RPGRIP1L: variants seen among roughly 807,000 people sequenced by gnomAD.
The protein encoded by RPGRIP1L is RPGRIP1 like, also known as protein fantom.
In RPGRIP1L, 131 loss-of-function variants were observed where a neutral mutation model predicts 160.4. That is an observed-to-expected ratio of 0.82 (90% confidence interval 0.71 to 0.94). RPGRIP1L has a LOEUF of 0.94. RPGRIP1L is among the 40% of genes least tolerant of loss of function. The pLI, the probability that RPGRIP1L is intolerant of heterozygous loss-of-function variation, is 0.00. For missense variants in RPGRIP1L, 1,522 were observed against 1,535.8 expected, an observed-to-expected ratio of 0.99 and a Z score of 0.15; for synonymous variants, 510 against 515.8, an observed-to-expected ratio of 0.99 and a Z score of 0.15.
At chr16:53,702,799 C>T (rs1004569408) in intron 1 of RPGRIP1L, among the ~76,000 whole-genome samples, 11 of 151,544 alleles carry the variant, frequency 7.3e-5, no homozygotes, top group Admixed American at 2.6e-4. Context: ...ACTACATGTG[C>T]GTGCCACCAA....
chr16:53,625,181 G>A (rs1229313109), intron 22 of RPGRIP1L, among the ~76,000 whole-genome samples: 2 of 152,168 alleles, frequency 1.3e-5, no homozygotes, highest in Non-Finnish European at 2.9e-5. Flanking sequence ...CTGCCCGGCC[G>A]CCACCCCGTC....
chr16:53,622,169 C>T (rs1405461695), intron 23 of RPGRIP1L, 50 bp downstream of exon 23: 6 of 559,080 alleles, frequency 1.1e-5, no homozygotes. Context: ...TTGAGACCAG[C>T]ATGGCCAACA....
intron 9 of RPGRIP1L, among the ~76,000 whole-genome samples, chr16:53,671,183 T>C (rs1968688282): frequency 6.6e-6 from 1 of 152,130 alleles, no homozygotes; most frequent in Non-Finnish European, 1.5e-5. Flanking sequence ...TACATACATT[T>C]CAGGGTGCTG....
In RPGRIP1L at chr16:53,686,556, T is replaced by C; in HGVS notation, c.653A>G (p.Gln218Arg). The change falls in exon 6 of 27, where the codon CAA becomes CGA. Residue 218 changes from glutamine (Q) to arginine (R), a missense_variant. By Grantham distance (43) the Gln-to-Arg change is conservative. Coordinates refer to ENST00000647211, the MANE Select transcript of RPGRIP1L (RefSeq NM_015272.5). ...IRNLENVIQS[Q>R]RGQIEELEHL... ...CTCTAACTCCTCTATCTGGCCTCTT[T>C]GTGACTGAATAACGTTTTCTCTGAA... is the stretch of plus-strand genomic sequence containing the variant. 1 of 1,613,674 alleles carries C rather than the reference T, an allele frequency of 6.2e-7. No homozygotes were observed. The highest frequency in any genetic ancestry group is 8.5e-7 in the Non-Finnish European group (1 of 1,179,742).
At chr16:53,674,294 A>T (rs1280430414) in intron 7 of RPGRIP1L, among the ~76,000 whole-genome samples, 2 of 152,166 alleles carry the variant, frequency 1.3e-5, no homozygotes, top group African/African-American at 4.8e-5. Flanking sequence ...GGGACTTCAA[A>T]GAAAGTGTTA....
At chr16:53,688,170 T>C (rs1970149748) in intron 4 of RPGRIP1L, among the ~76,000 whole-genome samples, 1 of 152,012 alleles carries the variant, frequency 6.6e-6, no homozygotes, top group South Asian at 2.1e-4. Context: ...CAGCAGCAAG[T>C]ATTGCTCATT....
intron 26 of RPGRIP1L, among the ~76,000 whole-genome samples, chr16:53,603,240 G>C (rs1963476995): frequency 6.6e-6 from 1 of 152,238 alleles, no homozygotes; most frequent in Non-Finnish European, 1.5e-5. Context: ...CCATCCCTCT[G>C]TGGACAATGA....
chr16:53,658,829 A>G lies in RPGRIP1L; in HGVS notation c.1293T>C (p.Tyr431=), dbSNP rs2151164876. The G allele has an allele frequency of 3.7e-6, 6 of 1,608,912 alleles. No individual in the cohort carries two copies. The highest frequency in any genetic ancestry group is 1.3e-5 in the African/African-American group (1 of 75,004). ...CATCAAGTTGTTGCTTTTGTTCCAGATACTGTAACTGTAGTTCTCTATTCT... is the reference window on the plus strand; with the variant it reads ...CATCAAGTTGTTGCTTTTGTTCCAGGTACTGTAACTGTAGTTCTCTATTCT... ...VQENRELQLQ[Y]LEQKQQLDEL... Residue 431 remains tyrosine, a synonymous_variant, in exon 11 of 27, where the codon TAT becomes TAC. Transcript: ENST00000647211.
chr16:53,692,067 T>C lies in RPGRIP1L; in HGVS notation c.528A>G (p.Lys176=), dbSNP rs1970421458. The change falls in exon 4 of 27, where the codon AAA becomes AAG. Residue 176 remains lysine (K), a splice_region_variant and synonymous_variant. Coordinates refer to ENST00000647211, the MANE Select transcript of RPGRIP1L (RefSeq NM_015272.5). ...ENAGLQECPR[K]GIKFQDADVA... ...GATTTAACGTAAGCTTTGTTTTACC[T>C]TTCCTGGGGCATTCCTGTAAACCAG... The C allele has an allele frequency of 1.1e-5, 17 of 1,614,028 alleles. No individual in the cohort carries two copies. Among genetic ancestry groups the C allele is most frequent in the Non-Finnish European group, 1.4e-5 (16 of 1,179,858 alleles).
intron 24 of RPGRIP1L, among the ~76,000 whole-genome samples, chr16:53,615,012 C>T (rs1162272863): frequency 6.6e-6 from 1 of 152,176 alleles, no homozygotes; most frequent in African/African-American, 2.4e-5. Context: ...GTCGATAACC[C>T]TGAATCTCAG....
intron 17 of RPGRIP1L, among the ~76,000 whole-genome samples, chr16:53,644,736 C>CA (rs1239306810): frequency 6.6e-6 from 1 of 152,038 alleles, no homozygotes; most frequent in Non-Finnish European, 1.5e-5. Flanking sequence ...GACCATCCTT[C>CA]AAAAAACAAA....
chr16:53,673,057 C>G, intron 7 of RPGRIP1L, 41 bp from the exon 8 acceptor site: 1 of 1,557,840 alleles, frequency 6.4e-7, no homozygotes, highest in Non-Finnish European at 8.8e-7. Flanking sequence ...TTATTTTTGA[C>G]TAAATGATTA....
chr16:53,610,359 A>T (rs1340431318), intron 25 of RPGRIP1L, among the ~76,000 whole-genome samples: 1 of 152,220 alleles, frequency 6.6e-6, no homozygotes, highest in Non-Finnish European at 1.5e-5. Context: ...TTAAACAGTG[A>T]TAGTAAGATA....
chr16:53,690,196 A>G (rs189208098), intron 4 of RPGRIP1L, among the ~76,000 whole-genome samples: 211 of 152,224 alleles, frequency 1.4e-3, no homozygotes, highest in African/African-American at 4.8e-3. Context: ...TGGGCATTAT[A>G]GACTTATTTA....
intron 22 of RPGRIP1L, among the ~76,000 whole-genome samples, chr16:53,624,624 C>T (rs1308401178): frequency 6.6e-6 from 1 of 151,842 alleles, no homozygotes; most frequent in Non-Finnish European, 1.5e-5. Flanking sequence ...AGAACTCTTG[C>T]TGTTATAGAT....
intron 19 of RPGRIP1L, among the ~76,000 whole-genome samples, chr16:53,639,355 TG>T (rs1966058730): frequency 6.6e-6 from 1 of 151,996 alleles, no homozygotes; most frequent in Non-Finnish European, 1.5e-5. Context: ...CAATAATAAC[TG>T]CATTATAAAT....
intron 19 of RPGRIP1L, among the ~76,000 whole-genome samples, chr16:53,640,729 A>G (rs1295120478): frequency 6.6e-6 from 1 of 152,108 alleles, no homozygotes. Flanking sequence ...AGTGAGTCCA[A>G]GAAACAATGT....
intron 23 of RPGRIP1L, among the ~76,000 whole-genome samples, chr16:53,620,279 A>G (rs1444752915): frequency 1.3e-5 from 2 of 152,200 alleles, no homozygotes; most frequent in Admixed American, 1.3e-4. Flanking sequence ...ATATTCCCAT[A>G]AAGAACAATT....
Position 53,658,482 on chromosome 16 carries a change from A to G in RPGRIP1L, c.1351-18T>C. On this transcript the variant is annotated intron_variant, in intron 11 of 26. Coordinates refer to ENST00000647211, the MANE Select transcript of RPGRIP1L (RefSeq NM_015272.5). ...TCATTCTCCTGCAATAGATTAAGTAAAAGCTCACAATGAGTTATGAATGGA... is the reference window on the plus strand; with the variant it reads ...TCATTCTCCTGCAATAGATTAAGTAGAAGCTCACAATGAGTTATGAATGGA... The G allele has an allele frequency of 1.9e-6, 3 of 1,582,960 alleles. No individual in the cohort carries two copies. The highest frequency in any genetic ancestry group is 2.6e-6 in the Non-Finnish European group (3 of 1,152,018).
Sources: allele counts gnomAD v4.1 joint callset (sites outside exome capture counted in the v4.1 genomes callset), GRCh38; gene constraint gnomAD v4.1.1; transcripts MANE v1.5; gene names NCBI Gene and HGNC (gene_info 2026-07-23, HGNC 2026-07-21).